The following COL11A1 variants were observed in gnomAD, a reference collection of about 807,000 sequenced individuals.
COL11A1 encodes the protein collagen type XI alpha 1 chain, also known as collagen alpha-1(XI) chain.
Under a neutral mutation model 265.2 loss-of-function variants are expected in COL11A1, and 74 were observed. The ratio of observed to expected loss-of-function variants is 0.28; its 90% confidence interval spans 0.23 to 0.34. The LOEUF is 0.34. COL11A1 is among the 10% of genes least tolerant of loss of function. The pLI is 1.00. For synonymous variants in COL11A1, 816 were observed against 727.6 expected (o/e 1.12, Z -1.96); for missense variants, 2,165 against 2,263.6 (o/e 0.96, Z 0.88).
chr1:102,965,505 C>T lies in COL11A1; in HGVS notation c.2898G>A (p.Gly966=), dbSNP rs1661323578. 1 of 1,613,558 alleles carries T rather than the reference C, an allele frequency of 6.2e-7. No homozygotes were observed. The change falls in exon 38 of 67, where the codon GGG becomes GGA. Residue 966 remains glycine, a synonymous_variant. Transcript: ENST00000370096. ...FQGKTGPPGP[G]GVVGPQGPTG... is the part of the protein sequence containing the mutation. ...AACATACCTGTGGTCCAACCACTCC[C>T]CCTGGCCCAGGAGGGCCGGTCTTGC... is the stretch of plus-strand genomic sequence containing the variant.
intron 4 of COL11A1, among the ~76,000 whole-genome samples, chr1:103,052,944 G>T (rs1669947987): frequency 6.6e-6 from 1 of 152,146 alleles, no homozygotes; most frequent in Non-Finnish European, 1.5e-5. Flanking sequence ...AAACAAGAAT[G>T]CAAATGTAAG....
intron 28 of COL11A1, among the ~76,000 whole-genome samples, chr1:102,994,081 G>A (rs1316949971): frequency 1.3e-5 from 2 of 152,086 alleles, no homozygotes; most frequent in African/African-American, 4.8e-5. Flanking sequence ...GCTTTTTCCA[G>A]ATAAAGTATA....
chr1:103,007,866 CAAAA>C (rs34520764), intron 15 of COL11A1, among the ~76,000 whole-genome samples: 2 of 97,118 alleles, frequency 2.1e-5, no homozygotes, highest in Non-Finnish European at 3.8e-5. Flanking sequence ...GACTCTGTCT[CAAAA>C]AAAAAAAAAA....
chr1:103,072,673 G>A (rs528789348), intron 4 of COL11A1, among the ~76,000 whole-genome samples: 185 of 151,720 alleles, frequency 1.2e-3, no homozygotes, highest in African/African-American at 4.3e-3. Flanking sequence ...TTCTAAATTT[G>A]GACTAAACAT....
intron 1 of COL11A1, among the ~76,000 whole-genome samples, chr1:103,104,590 T>A (rs1333559493): frequency 6.6e-6 from 1 of 152,116 alleles, no homozygotes; most frequent in Non-Finnish European, 1.5e-5. Flanking sequence ...TGAAGCAAAT[T>A]GTCACTTTAA....
At chr1:103,092,291 T>G (rs12092111) in intron 1 of COL11A1, among the ~76,000 whole-genome samples, 53,576 of 151,816 alleles carry the variant, frequency 0.35, 9,716 homozygotes, top group African/African-American at 0.39. Flanking sequence ...TTGTGACAAT[T>G]TGAGAAACCT....
In COL11A1 at chr1:102,978,625, A is replaced by G. The variant is rs1662730202; in HGVS notation, c.2754+83T>C. The G allele has an allele frequency of 6.3e-6, 9 of 1,419,354 alleles. 1 individual carries two copies. The highest frequency in any genetic ancestry group is 8.0e-6 in the Non-Finnish European group (8 of 1,004,016). 87.9% of individuals were successfully genotyped at this position (1,419,354 alleles called of 1,614,324 possible). A position where few individuals can be genotyped will look rare whatever the true frequency, so the allele number is the denominator to read the frequency against. ...TGGATAGACATGCACATGTATTAGC[A>G]GACATATATCTTTTCTCTGAAATCT... is the stretch of plus-strand genomic sequence containing the variant. On this transcript the variant is annotated intron_variant, in intron 35 of 66. Coordinates refer to ENST00000370096, the MANE Select transcript of COL11A1 (RefSeq NM_001854.4).
chr1:103,041,540 G>T (rs1286288608), intron 4 of COL11A1, among the ~76,000 whole-genome samples: 1 of 151,554 alleles, frequency 6.6e-6, no homozygotes, highest in Admixed American at 6.6e-5. Flanking sequence ...CCTTATTTTT[G>T]CTCTGTTGCA....
In COL11A1 at chr1:102,886,967, A is replaced by G; in HGVS notation, c.4698T>C (p.Asp1566=). 1 of 1,613,932 alleles carries G rather than the reference A, an allele frequency of 6.2e-7. No individual in the cohort carries two copies. The highest frequency in any genetic ancestry group is 8.5e-7 in the Non-Finnish European group (1 of 1,179,880). The change falls in exon 63 of 67, where the codon GAT becomes GAC. Residue 1566 remains aspartate (D), a synonymous_variant. Transcript: ENST00000370096. ...CATCCGAGTAATCAAGAATATTATC[A>G]TCTGCATCTGCTTGCATGCCTTCAG... The part of the protein sequence containing the change: ...RHTEGMQADA[D]DNILDYSDGM...
At chr1:103,054,077 T>C (rs1371997982) in intron 4 of COL11A1, among the ~76,000 whole-genome samples, 1 of 152,176 alleles carries the variant, frequency 6.6e-6, no homozygotes, top group African/African-American at 2.4e-5. Flanking sequence ...CACACTGAAT[T>C]TGGAATTGGA....
At chr1:102,903,984 T>C (rs1653567366) in intron 54 of COL11A1, among the ~76,000 whole-genome samples, 1 of 152,126 alleles carries the variant, frequency 6.6e-6, no homozygotes, top group Non-Finnish European at 1.5e-5. Flanking sequence ...CACCTCAGCC[T>C]CAGAGTACCT....
At chr1:102,929,889 G>T (rs527416844) in intron 46 of COL11A1, among the ~76,000 whole-genome samples, 10 of 152,258 alleles carry the variant, frequency 6.6e-5, no homozygotes, top group African/African-American at 2.4e-4. Flanking sequence ...TTGGCTCTCT[G>T]TTTGTCTGTT....
chr1:102,887,172 T>C, intron 62 of COL11A1, 116 bp from the exon 63 acceptor site: 6 of 1,284,644 alleles, frequency 4.7e-6, no homozygotes, highest in Non-Finnish European at 6.7e-6. Context: ...AGCTTTTCAT[T>C]AGCTACAAAA....
intron 1 of COL11A1, among the ~76,000 whole-genome samples, chr1:103,085,091 T>A (rs1571245137): frequency 6.6e-6 from 1 of 152,212 alleles, no homozygotes; most frequent in East Asian, 1.9e-4. Flanking sequence ...AAGTGAAAAT[T>A]GTAAGGAGCA....
rs779795373 is a variant in COL11A1 at position 103,008,510 on chromosome 1, G to GC, written c.1635dup (p.Pro546AlafsTer9). ...TCACCTTTGGCCCCAGATGAACCAG[G>GC]CCCCCCCTATAGAGAAAAAGTGAAG... On this transcript the variant is annotated frameshift_variant, in exon 15 of 67. Transcript: ENST00000370096. LOFTEE classifies it high-confidence loss of function. 1.9e-6 allele frequency: 3 copies of GC among 1,613,414 alleles called. No homozygotes were observed. Among genetic ancestry groups the GC allele is most frequent in the Non-Finnish European group, 2.5e-6 (3 of 1,179,682 alleles).
At chr1:103,000,997 G>T (rs1173872144) in intron 24 of COL11A1, 1 of 391,444 alleles carries the variant, frequency 2.6e-6, no homozygotes, top group Non-Finnish European at 4.5e-6. Flanking sequence ...CAGACATAAA[G>T]GTCACATACA....
rs374699635 is a variant in COL11A1, at chr1:103,068,770, T to C, written c.651+5848A>G. 3.3e-5 allele frequency among the ~76,000 whole-genome samples: 5 copies of C among 151,384 alleles called. 1 individual carries two copies. The highest frequency in any genetic ancestry group is 3.9e-4 in the East Asian group (2 of 5,184). Reference sequence around the variant, plus strand: ...CAAGGTTAATATAAAAAATCGTGTTTTCTATATTAGGAAGAAAATATTCAA... The same window carrying C: ...CAAGGTTAATATAAAAAATCGTGTTCTCTATATTAGGAAGAAAATATTCAA... On this transcript the variant is annotated intron_variant, in intron 4 of 66. Transcript: ENST00000370096.
At chr1:103,056,118 G>A (rs962797855) in intron 4 of COL11A1, among the ~76,000 whole-genome samples, 6 of 152,176 alleles carry the variant, frequency 3.9e-5, no homozygotes, top group Non-Finnish European at 8.8e-5. Context: ...GTGGAATCCA[G>A]TAGCTGAGCA....
intron 46 of COL11A1, among the ~76,000 whole-genome samples, chr1:102,928,572 T>C (rs1656938016): frequency 6.6e-6 from 1 of 152,168 alleles, no homozygotes; most frequent in Admixed American, 6.5e-5. Flanking sequence ...CGTGTGCATG[T>C]ACAGCAGCAT....
Sources: allele counts gnomAD v4.1 joint callset (sites outside exome capture counted in the v4.1 genomes callset), GRCh38; gene constraint gnomAD v4.1.1; transcripts MANE v1.5; gene names NCBI Gene and HGNC (gene_info 2026-07-23, HGNC 2026-07-21).